ARMCX4: variants seen among roughly 807,000 people sequenced by gnomAD.
The protein encoded by ARMCX4 is armadillo repeat containing X-linked 4, also known as armadillo repeat-containing X-linked protein 4.
In ARMCX4, 3 loss-of-function variants were observed where a neutral mutation model predicts 34.7. The observed-to-expected ratio is 0.09, with a 90% CI of 0.04 to 0.22. The LOEUF (loss-of-function observed/expected upper bound fraction) is 0.22. Among genes scored for constraint, ARMCX4 ranks in the 10% least tolerant of loss-of-function variants. ARMCX4 has a pLI of 1.00. For synonymous variants in ARMCX4, 513 were observed against 632.8 expected, an observed-to-expected ratio of 0.81 and a Z score of 2.84; for missense variants, 1,448 against 1,720.8, an observed-to-expected ratio of 0.84 and a Z score of 2.81.
rs1556008668 is a variant in ARMCX4 at position 101,490,850 on chromosome X, C to G, written c.2261C>G (p.Ala754Gly). 2 of 1,110,758 alleles carry G rather than the reference C, an allele frequency of 1.8e-6. No individual in the cohort carries two copies. Among genetic ancestry groups the G allele is most frequent in the South Asian group, 4.0e-5 (2 of 49,631 alleles). The allele number at this position is 1,110,758 out of a possible 1,213,427, so 91.5% of individuals were successfully genotyped here. ...TTDSARLQAV[A>G]NSQGEVLPGA... ...GACTCTGCCCGGCTCCAGGCTGTGG[C>G]CAATTCTCAGGGTGAGGTCTTGCCT... is the stretch of plus-strand genomic sequence containing the variant. The change falls in exon 6 of 6, where the codon GCC becomes GGC. Residue 754 changes from alanine (A) to glycine (G), a missense_variant. Transcript: ENST00000423738.
downstream of ARMCX4, among the ~76,000 whole-genome samples, chrX:101,451,570 C>CT (rs1671532261): frequency 1.7e-5 from 1 of 58,352 alleles, no homozygotes; most frequent in African/African-American, 4.8e-5. Context: ...TTTGAAGGTG[C>CT]TTTTTTGTGT....
chrX:101,478,054 C>G (rs1280865035), intron 4 of ARMCX4, among the ~76,000 whole-genome samples: 1 of 111,687 alleles, frequency 9.0e-6, no homozygotes, highest in African/African-American at 3.2e-5. Flanking sequence ...AAAAGCATTC[C>G]TGTTATATTC....
intron 4 of ARMCX4, among the ~76,000 whole-genome samples, chrX:101,471,939 G>A (rs1320929343): frequency 2.9e-5 from 3 of 103,000 alleles, no homozygotes; most frequent in South Asian, 4.7e-4. Flanking sequence ...CACCAGCAAC[G>A]GAACAAAGCT....
chrX:101,494,011 G>T lies in ARMCX4; in HGVS notation c.5422G>T (p.Gly1808Trp). ...GGTGGCTTATATGGGCTCCTGTGTA[G>T]GGGCTGAGGCTGGGGCTGGGGCTGA... The part of the protein sequence containing the change: ...EEVAYMGSCV[G>W]AEAGAGAEAG... The change falls in exon 6 of 6, where the codon GGG (glycine) becomes TGG (tryptophan). Residue 1808 changes from glycine to tryptophan, a missense_variant. This residue lies in a region of ARMCX4 where 1,343 missense variants were observed against 1,540.7 expected (regional missense o/e 0.87). Transcript: ENST00000423738. 9.2e-7 allele frequency: 1 copy of T among 1,082,047 alleles called. No individual in the cohort carries two copies. Among genetic ancestry groups the T allele is most frequent in the Non-Finnish European group, 1.2e-6 (1 of 822,423 alleles). The allele number at this position is 1,082,047 out of a possible 1,213,427, so 89.2% of individuals were successfully genotyped here.
At chrX:101,471,890 C>T (rs1443507479) in intron 4 of ARMCX4, among the ~76,000 whole-genome samples, 20 of 108,584 alleles carry the variant, frequency 1.8e-4, no homozygotes, top group African/African-American at 1.3e-4. Flanking sequence ...AACTCTAAAA[C>T]GCAGAGCGCC....
chrX:101,473,027 T>A (rs1182194807), intron 4 of ARMCX4, among the ~76,000 whole-genome samples: 2 of 110,621 alleles, frequency 1.8e-5, no homozygotes, highest in African/African-American at 6.6e-5. Context: ...TGGATAAAGA[T>A]TCAAGACCCG....
rs201507483 is a variant in ARMCX4, at chrX:101,468,185, G to GA, written c.-472-17827dup. ...CTCCTGGGAATCTGGGTATCCATAT[G>GA]AAAAAAAAAAATCAGAGTCCTATCT... On this transcript the variant is annotated intron_variant and NMD_transcript_variant, in intron 4 of 15. Coordinates refer to the ARMCX4 transcript ENST00000433011. Among the ~76,000 whole-genome samples the GA allele has an allele frequency of 4.4e-3, 459 of 104,603 alleles. 1 individual carries two copies. The highest frequency in any genetic ancestry group is 0.014 in the African/African-American group (400 of 29,010). 90.8% of individuals were successfully genotyped at this position (104,603 alleles called of 115,157 possible). A position where few individuals can be genotyped will look rare whatever the true frequency, so the allele number is the denominator to read the frequency against.
intron 2 of ARMCX4, chrX:101,419,252 C>G (rs1187393379): frequency 9.0e-6 from 1 of 111,250 alleles, no homozygotes; most frequent in Non-Finnish European, 1.9e-5. Flanking sequence ...TGAGGCTGTA[C>G]CTTTCATCCT....
intron 8 of ARMCX4, among the ~76,000 whole-genome samples, chrX:101,506,662 A>G (rs1472184568): frequency 9.0e-6 from 1 of 111,275 alleles, no homozygotes; most frequent in Non-Finnish European, 1.9e-5. Flanking sequence ...ATACAGCCAC[A>G]TTGAAAGTTA....
chrX:101,496,872 T>C (rs781842805), downstream of ARMCX4, among the ~76,000 whole-genome samples: 1 of 112,106 alleles, frequency 8.9e-6, no homozygotes, highest in East Asian at 2.8e-4. Flanking sequence ...TGTAGAAATG[T>C]ATCTTTAGGA....
intron 2 of ARMCX4, among the ~76,000 whole-genome samples, chrX:101,486,303 G>T (rs1933709538): frequency 9.0e-6 from 1 of 110,899 alleles, no homozygotes; most frequent in Non-Finnish European, 1.9e-5. Flanking sequence ...GCTTTTATTT[G>T]CATTTCAGAT....
At chrX:101,526,747 A>G (rs1188946108) in intron 11 of ARMCX4, among the ~76,000 whole-genome samples, 1 of 112,207 alleles carries the variant, frequency 8.9e-6, no homozygotes, top group African/African-American at 3.2e-5. Context: ...GCCATTACAT[A>G]ATGGTGAAGG....
chrX:101,513,545 ATTTGCTATATACACACACAAAGATG>A (rs1401113265), intron 11 of ARMCX4, among the ~76,000 whole-genome samples: 1 of 112,153 alleles, frequency 8.9e-6, no homozygotes, highest in African/African-American at 3.2e-5. Flanking sequence ...GGAATAAGAT[ATTTGCTATATACACACACAAAGATG>A]TTTGCTATAT....
rs782480100 is a variant in ARMCX4 at position 101,466,770 on chromosome X, T to C, written c.-472-19253T>C. 2.7e-5 allele frequency among the ~76,000 whole-genome samples: 3 copies of C among 112,048 alleles called. No homozygotes were observed. In the Admixed American group the frequency reaches 2.8e-4, roughly 11 times the overall value. On this transcript the variant is annotated intron_variant and NMD_transcript_variant, in intron 4 of 15. Transcript: ENST00000433011. ...GCACTTGGTGGGGTGATGAAAATAT[T>C]CTGTATCTTGATCGTGGTGGTAGTT... is the stretch of plus-strand genomic sequence containing the variant.
At chrX:101,529,693 C>G (rs1406053082) in intron 11 of ARMCX4, among the ~76,000 whole-genome samples, 2 of 112,451 alleles carry the variant, frequency 1.8e-5, no homozygotes, top group Non-Finnish European at 3.8e-5. Context: ...AGACACTTCT[C>G]AAAAGAAGAC....
chrX:101,486,328 G>T (rs1381874854), intron 2 of ARMCX4, among the ~76,000 whole-genome samples: 2 of 111,094 alleles, frequency 1.8e-5, no homozygotes, highest in Non-Finnish European at 3.8e-5. Flanking sequence ...TTGAGAAAAA[G>T]ATAAATTATA....
intron 2 of ARMCX4, among the ~76,000 whole-genome samples, chrX:101,435,820 G>T (rs372761633): frequency 3.6e-5 from 4 of 109,862 alleles, no homozygotes; most frequent in Admixed American, 2.9e-4. Context: ...TAATTTTTGT[G>T]TAAGGTGTAA....
In ARMCX4 at chrX:101,503,637, G is replaced by GT. The variant is rs1934364184; in HGVS notation, c.*1178-1293dup. ...CGCCCACTTTTTGATGGGGCTGTTTGTTTTTTTCTTGTAAATTTATTTGAG... is the reference window on the plus strand; with the variant it reads ...CGCCCACTTTTTGATGGGGCTGTTTGTTTTTTTTCTTGTAAATTTATTTGAG... On this transcript the variant is annotated intron_variant and NMD_transcript_variant, in intron 7 of 12. Coordinates refer to the ARMCX4 transcript ENST00000354842. Among the ~76,000 whole-genome samples the GT allele has an allele frequency of 3.6e-5, 4 of 111,465 alleles. No individual in the cohort carries two copies. The Admixed American group carries it at 3.8e-4, about 11-fold the overall frequency.
At chrX:101,461,080 A>G (rs1932586721) in intron 4 of ARMCX4, among the ~76,000 whole-genome samples, 1 of 112,434 alleles carries the variant, frequency 8.9e-6, no homozygotes, top group Non-Finnish European at 1.9e-5. Context: ...TTTGTACAAT[A>G]TAACATAATA....
Sources: gnomAD v4.1 joint callset for allele counts (sites outside exome capture counted in the v4.1 genomes callset) on GRCh38, gnomAD v4.1.1 for gene constraint, gnomAD v4.1.1 regional missense constraint, MANE v1.5 for transcripts, NCBI Gene and HGNC (gene_info 2026-07-23, HGNC 2026-07-21) for gene names.